CRYZ: variants seen among roughly 807,000 people sequenced by gnomAD.
CRYZ encodes crystallin zeta, also known as zeta-crystallin.
A neutral mutation model predicts 34.1 loss-of-function variants in CRYZ; 35 were observed. That is an observed-to-expected ratio of 1.03 (90% CI 0.78 to 1.36). The LOEUF is 1.36. CRYZ is among the 40% of genes most tolerant of loss of function. The probability of loss-of-function intolerance (pLI) is 0.00; values close to 1 mark genes in which losing one functional copy is unlikely to be tolerated. For missense variants in CRYZ, 403 were observed against 391.8 expected, an observed-to-expected ratio of 1.03 and a Z score of -0.24; for synonymous variants, 137 against 136.5, an observed-to-expected ratio of 1.00 and a Z score of -0.03.
intron 3 of CRYZ, among the ~76,000 whole-genome samples, chr1:74,721,964 G>A (rs915832128): frequency 5.3e-5 from 8 of 152,268 alleles, no homozygotes; most frequent in Admixed American, 3.9e-4. Flanking sequence ...AATTTAAGTT[G>A]AATTTTAAAT....
intron 6 of CRYZ, chr1:74,707,923 T>C (rs1256991070): frequency 1.3e-5 from 2 of 152,036 alleles, no homozygotes; most frequent in Non-Finnish European, 2.9e-5. Context: ...AAGTAACACA[T>C]TAGCAGAAAT....
chr1:74,718,833 G>A (rs1412637055), intron 4 of CRYZ, among the ~76,000 whole-genome samples: 1 of 152,044 alleles, frequency 6.6e-6, no homozygotes, highest in African/African-American at 2.4e-5. Context: ...TTTGAACCAT[G>A]GCTTTAAAAT....
intron 5 of CRYZ, among the ~76,000 whole-genome samples, chr1:74,714,368 G>T (rs1647043005): frequency 6.6e-6 from 1 of 151,794 alleles, no homozygotes; most frequent in Non-Finnish European, 1.5e-5. Context: ...ATTTTTGAAG[G>T]GGTGCTCTGT....
At chr1:74,710,939 G>A (rs969314357) in intron 5 of CRYZ, among the ~76,000 whole-genome samples, 2 of 152,124 alleles carry the variant, frequency 1.3e-5, no homozygotes, top group East Asian at 3.9e-4. Context: ...AAAGAGACAG[G>A]AATAGGGGCT....
intron 4 of CRYZ, among the ~76,000 whole-genome samples, chr1:74,718,759 G>C (rs937788764): frequency 7.0e-6 from 1 of 143,124 alleles, no homozygotes; most frequent in Admixed American, 6.7e-5. Flanking sequence ...CAGAGGGTCT[G>C]GGGTAGGGCC....
intron 4 of CRYZ, among the ~76,000 whole-genome samples, chr1:74,718,805 C>T (rs565362710): frequency 1.8e-4 from 27 of 152,192 alleles, no homozygotes; most frequent in Admixed American, 1.6e-3. Context: ...CTAGATGATT[C>T]TAATGGATAA....
intron 8 of CRYZ, 137 bp downstream of exon 8, chr1:74,706,762 C>A: frequency 1.4e-6 from 1 of 728,794 alleles, no homozygotes; most frequent in Non-Finnish European, 2.4e-6. Context: ...CCTAGTTGTC[C>A]TTCTGGTGAC....
intron 1 of CRYZ, 34 bp downstream of exon 1, chr1:74,732,922 T>C (rs1281194002): frequency 3.3e-6 from 1 of 307,408 alleles, no homozygotes; most frequent in African/African-American, 2.2e-5. Flanking sequence ...ATTCGCTGTC[T>C]AAACAACTAA....
chr1:74,723,364 G>A (rs1325941650), intron 2 of CRYZ, 94 bp from the exon 3 acceptor site: 9 of 1,248,428 alleles, frequency 7.2e-6, no homozygotes, highest in Non-Finnish European at 1.0e-5. Context: ...CTATCAAAAT[G>A]GGAGACAAAA....
Position 74,706,103 on chromosome 1 carries a change from G to A in CRYZ, c.*193C>T, listed in dbSNP as rs1646923934. ...TATGATGACTCTTTGATTTGAGACA[G>A]ATGGCATAAAAAAATATTGCTAGCT... On this transcript the variant is annotated 3_prime_UTR_variant, in exon 9 of 9. Transcript: ENST00000340866. 1 of 474,016 alleles carries A rather than the reference G, an allele frequency of 2.1e-6. No homozygotes were observed. Among genetic ancestry groups the A allele is most frequent in the East Asian group, 3.3e-5 (1 of 30,140 alleles). The allele number at this position is 474,016 out of a possible 1,614,324, so 29.4% of individuals were successfully genotyped here. A position where few individuals can be genotyped will look rare whatever the true frequency, so the allele number is the denominator to read the frequency against.
At chr1:74,730,934 A>G (rs1647687586) in intron 1 of CRYZ, among the ~76,000 whole-genome samples, 1 of 152,192 alleles carries the variant, frequency 6.6e-6, no homozygotes, top group Non-Finnish European at 1.5e-5. Flanking sequence ...TAAGTCAGGG[A>G]ATGCAGCAGA....
At chr1:74,710,296 A>C in intron 5 of CRYZ, 49 bp from the exon 6 acceptor site, 1 of 1,557,758 alleles carries the variant, frequency 6.4e-7, no homozygotes, top group East Asian at 2.2e-5. Flanking sequence ...ACACTCCTGT[A>C]AACACTTAAA....
intron 1 of CRYZ, chr1:74,730,564 T>C (rs1241561667): frequency 6.6e-6 from 1 of 152,206 alleles, no homozygotes; most frequent in African/African-American, 2.4e-5. Flanking sequence ...TCAGAACAGG[T>C]AGAGAAGTTA....
intron 1 of CRYZ, among the ~76,000 whole-genome samples, chr1:74,730,877 T>G (rs1055859152): frequency 1.3e-5 from 2 of 152,218 alleles, no homozygotes; most frequent in Non-Finnish European, 2.9e-5. Flanking sequence ...TCGCATATTT[T>G]ATGACTAAGG....
At position 74,723,169 on chromosome 1, in the gene CRYZ, T is replaced by A; in HGVS notation, c.213A>T (p.Ser71=). The change falls in exon 3 of 9, where the codon TCA becomes TCT. Residue 71 remains serine (S), a synonymous_variant. Transcript: ENST00000340866. The part of the protein sequence containing the change: ...RKPLLPYTPG[S]DVAGVIEAVG... Reference sequence around the variant, plus strand: ...CAGCTTCTATCACCCCAGCCACATCTGAGCCAGGAGTATAGGGTAAGAGTG... The same window carrying A: ...CAGCTTCTATCACCCCAGCCACATCAGAGCCAGGAGTATAGGGTAAGAGTG... 1.2e-6 allele frequency: 2 copies of A among 1,614,042 alleles called. No individual in the cohort carries two copies. The highest frequency in any genetic ancestry group is 1.7e-6 in the Non-Finnish European group (2 of 1,179,950).
At chr1:74,730,085 T>C (rs1481517345) in intron 1 of CRYZ, among the ~76,000 whole-genome samples, 1 of 152,126 alleles carries the variant, frequency 6.6e-6, no homozygotes, top group African/African-American at 2.4e-5. Context: ...AAAACTGTTG[T>C]AATAATAAAA....
intron 5 of CRYZ, among the ~76,000 whole-genome samples, chr1:74,710,793 G>A (rs767920923): frequency 3.3e-5 from 5 of 152,172 alleles, no homozygotes; most frequent in Non-Finnish European, 5.9e-5. Context: ...GAGTGTTTAC[G>A]ATGTGCTAGA....
At chr1:74,710,044 C>G in intron 6 of CRYZ, 54 bp downstream of exon 6, 1 of 1,517,464 alleles carries the variant, frequency 6.6e-7, no homozygotes, top group Non-Finnish European at 9.0e-7. Context: ...TAAAAAACCA[C>G]GCAAGTCTCC....
Position 74,723,167 on chromosome 1 carries a change from T to A in CRYZ, c.215A>T (p.Asp72Val), listed in dbSNP as rs771368090. Residue 72 changes from aspartate (D) to valine (V), a missense_variant, in exon 3 of 9, where the codon GAT becomes GTT. Asp to Val is a radical substitution (Grantham distance 152). Transcript: ENST00000340866. ...KPLLPYTPGS[D>V]VAGVIEAVGD... ...AACAGCTTCTATCACCCCAGCCACA[T>A]CTGAGCCAGGAGTATAGGGTAAGAG... 2.5e-6 allele frequency: 4 copies of A among 1,613,866 alleles called. No homozygotes were observed. In the African/African-American group the frequency reaches 4.0e-5, roughly 16 times the overall value.
Sources: gnomAD v4.1 joint callset for allele counts (sites outside exome capture counted in the v4.1 genomes callset) on GRCh38, gnomAD v4.1.1 for gene constraint, MANE v1.5 for transcripts, NCBI Gene and HGNC (gene_info 2026-07-23, HGNC 2026-07-21) for gene names.